The following TRAPPC9 variants were observed in gnomAD, a reference collection of about 807,000 sequenced individuals.
TRAPPC9 encodes the protein IKK2 binding protein.
Under a neutral mutation model 124.0 loss-of-function variants are expected in TRAPPC9, and 83 were observed. That is an observed-to-expected ratio of 0.67 (90% CI 0.56 to 0.80). The LOEUF (loss-of-function observed/expected upper bound fraction) is 0.80. Ranked by LOEUF, TRAPPC9 falls within the 30% of genes least tolerant of loss-of-function variation. TRAPPC9 has a pLI of 0.00. For missense variants in TRAPPC9, 1,302 were observed against 1,508.3 expected (o/e 0.86, Z 2.27); for synonymous variants, 638 against 617.5 (o/e 1.03, Z -0.49).
At chr8:139,935,690 T>A (rs893883288) in intron 19 of TRAPPC9, among the ~76,000 whole-genome samples, 5 of 99,916 alleles carry the variant, frequency 5.0e-5, no homozygotes, top group African/African-American at 1.5e-4. Context: ...TTTTTTTTTT[T>A]ACATTTGTTC....
chr8:140,410,460 C>T (rs1172954399), intron 5 of TRAPPC9, among the ~76,000 whole-genome samples: 3 of 151,950 alleles, frequency 2.0e-5, no homozygotes, highest in Admixed American at 6.6e-5. Context: ...TGCTTCAACC[C>T]GGGAAGCAGA....
chr8:139,927,254 CTT>C (rs58958161), intron 19 of TRAPPC9, among the ~76,000 whole-genome samples: 10 of 147,814 alleles, frequency 6.8e-5, no homozygotes, highest in Non-Finnish European at 1.0e-4. Flanking sequence ...TCTTTTCTTT[CTT>C]TTTTTTTTTA....
Position 139,801,445 on chromosome 8 carries a change from G to T in TRAPPC9, c.3056-69243C>A, listed in dbSNP as rs566152240. On this transcript the variant is annotated intron_variant, in intron 21 of 22. Transcript: ENST00000438773. The stretch of plus-strand genomic sequence containing the variant: ...GTGGCAGGAATCTGGGGCCCAGGGA[G>T]CCCATGCCTATGGAGAGGGACACCT... Among the ~76,000 whole-genome samples, 5 of 152,336 alleles carry T rather than the reference G, an allele frequency of 3.3e-5. No individual in the cohort carries two copies. In the South Asian group the frequency reaches 8.3e-4, roughly 25 times the overall value.
intron 17 of TRAPPC9, among the ~76,000 whole-genome samples, chr8:140,212,448 C>G (rs1051421497): frequency 1.3e-5 from 2 of 152,092 alleles, no homozygotes; most frequent in Non-Finnish European, 2.9e-5. Flanking sequence ...AACCCCAGTC[C>G]GTCAATATTT....
Position 139,736,034 on chromosome 8 carries a change from C to T in TRAPPC9, c.3056-3832G>A, listed in dbSNP as rs16911359. Among the ~76,000 whole-genome samples, 306 of 152,292 alleles carry T rather than the reference C, an allele frequency of 2.0e-3. 2 individuals are homozygous for T. The highest frequency in any genetic ancestry group is 6.6e-3 in the African/African-American group (273 of 41,570). ...GACTTCCCTTCACCCTGGGAAAGGC[C>T]GTTTGACAACTGGTGCCCCCTCCAT... On this transcript the variant is annotated intron_variant, in intron 21 of 22. Transcript: ENST00000438773.
chr8:140,240,844 T>C (rs966382166), intron 16 of TRAPPC9, among the ~76,000 whole-genome samples: 4 of 152,156 alleles, frequency 2.6e-5, no homozygotes, highest in Admixed American at 1.3e-4. Flanking sequence ...CCAGCCCCAC[T>C]CACCTTCTTA....
At chr8:139,996,160 A>AAAAAAAAAAAAAAAAAAAAAAAAAAAAAG (rs1837967230) in intron 18 of TRAPPC9, among the ~76,000 whole-genome samples, 1 of 126,980 alleles carries the variant, frequency 7.9e-6, no homozygotes, top group Non-Finnish European at 1.6e-5. Context: ...AACTTAAGCA[A>AAAAAAAAAAAAAAAAAAAAAAAAAAAAAG]AAAAAAAAAA....
intron 21 of TRAPPC9, among the ~76,000 whole-genome samples, chr8:139,816,615 C>T (rs573183811): frequency 2.3e-4 from 34 of 150,150 alleles, no homozygotes; most frequent in Non-Finnish European, 4.6e-4. Context: ...CCTGAGTGTT[C>T]TCTGGGACCC....
At chr8:139,931,933 T>TA (rs1196581476) in intron 19 of TRAPPC9, 2 of 192,954 alleles carry the variant, frequency 1.0e-5, no homozygotes, top group Non-Finnish European at 2.1e-5. Context: ...AAATAAAGAA[T>TA]AAAAATCACC....
At chr8:140,373,976 T>G (rs955327567) in intron 7 of TRAPPC9, among the ~76,000 whole-genome samples, 1 of 152,240 alleles carries the variant, frequency 6.6e-6, no homozygotes, top group Non-Finnish European at 1.5e-5. Context: ...GCCGATTTAT[T>G]TCCCTAAGGG....
intron 17 of TRAPPC9, among the ~76,000 whole-genome samples, chr8:140,196,615 G>A (rs1162724625): frequency 6.8e-6 from 1 of 146,636 alleles, no homozygotes; most frequent in Non-Finnish European, 1.5e-5. Context: ...TCACACCTGT[G>A]ACACTAAAAC....
rs1161849858 is a variant in TRAPPC9, at chr8:140,414,743, C to CT, written c.887-9046dup. Among the ~76,000 whole-genome samples the CT allele has an allele frequency of 1.2e-3, 175 of 147,042 alleles. 1 individual carries two copies. Among genetic ancestry groups the CT allele is most frequent in the African/African-American group, 3.8e-3 (154 of 40,306 alleles). On this transcript the variant is annotated intron_variant, in intron 5 of 22. Transcript: ENST00000438773. The stretch of plus-strand genomic sequence containing the variant: ...AAATCACAAGACAAATTAGAAAACA[C>CT]TTTTTTTTTTTAATTTGAGACAGGT...
At chr8:140,390,838 T>C (rs148529834) in intron 7 of TRAPPC9, among the ~76,000 whole-genome samples, 1,607 of 152,306 alleles carry the variant, frequency 0.011, 31 homozygotes, top group African/African-American at 0.035. Context: ...CATCCAACAG[T>C]TTCTTTGTGA....
chr8:140,181,850 A>T (rs575175093), intron 17 of TRAPPC9, among the ~76,000 whole-genome samples: 1 of 152,214 alleles, frequency 6.6e-6, no homozygotes, highest in South Asian at 2.1e-4. Context: ...TTCTTATGGG[A>T]AGTCCATGTC....
intron 18 of TRAPPC9, 151 bp downstream of exon 18, chr8:140,023,786 G>T: frequency 8.3e-7 from 1 of 1,208,472 alleles, no homozygotes; most frequent in Non-Finnish European, 1.2e-6. Flanking sequence ...GTTTCCTAAA[G>T]AAAAACCTAC....
At chr8:139,942,388 A>T (rs1367648064) in intron 19 of TRAPPC9, among the ~76,000 whole-genome samples, 5 of 55,292 alleles carry the variant, frequency 9.0e-5, no homozygotes, top group Non-Finnish European at 1.9e-4. Flanking sequence ...TTTATTTTTA[A>T]AAAAAATCAT....
At chr8:140,013,294 C>T (rs1839253736) in intron 18 of TRAPPC9, among the ~76,000 whole-genome samples, 1 of 152,134 alleles carries the variant, frequency 6.6e-6, no homozygotes, top group African/African-American at 2.4e-5. Context: ...GGGCTCCAAA[C>T]TTCTCCCTTC....
At chr8:140,161,684 T>C (rs574328024) in intron 17 of TRAPPC9, among the ~76,000 whole-genome samples, 1 of 152,146 alleles carries the variant, frequency 6.6e-6, no homozygotes, top group African/African-American at 2.4e-5. Context: ...TTTGGCAGCA[T>C]TTTGGATTTC....
intron 5 of TRAPPC9, among the ~76,000 whole-genome samples, chr8:140,418,116 C>T (rs897203543): frequency 1.3e-5 from 2 of 152,064 alleles, no homozygotes; most frequent in East Asian, 1.9e-4. Flanking sequence ...ATGTAGATGA[C>T]GGGTTGATGG....
Sources: gnomAD v4.1 joint callset for allele counts (sites outside exome capture counted in the v4.1 genomes callset) on GRCh38, gnomAD v4.1.1 for gene constraint, MANE v1.5 for transcripts, NCBI Gene and HGNC (gene_info 2026-07-23, HGNC 2026-07-21) for gene names.